The following SLC22A24 variants were observed in gnomAD, a reference collection of about 807,000 sequenced individuals.
SLC22A24 encodes the protein steroid transmembrane transporter SLC22A24.
Under a neutral mutation model 49.8 loss-of-function variants are expected in SLC22A24, and 53 were observed. That is an observed-to-expected ratio of 1.06 (90% confidence interval 0.85 to 1.34). The LOEUF is 1.34. Ranked by LOEUF, SLC22A24 falls within the 40% of genes most tolerant of loss-of-function variation. The pLI, the probability that SLC22A24 is intolerant of heterozygous loss-of-function variation, is 0.00. For synonymous variants in SLC22A24, 302 were observed against 256.4 expected, an observed-to-expected ratio of 1.18 and a Z score of -1.70; for missense variants, 786 against 675.9, an observed-to-expected ratio of 1.16 and a Z score of -1.81.
chr11:63,137,115 A>G (rs1246020062), intron 1 of SLC22A24, among the ~76,000 whole-genome samples: 1 of 151,864 alleles, frequency 6.6e-6, no homozygotes, highest in East Asian at 1.9e-4. Flanking sequence ...CTGTGTCTGT[A>G]GCTCCATTGC....
intron 2 of SLC22A24, among the ~76,000 whole-genome samples, chr11:63,123,999 C>T (rs1261130918): frequency 6.6e-6 from 1 of 151,968 alleles, no homozygotes; most frequent in Non-Finnish European, 1.5e-5. Flanking sequence ...GAAGGCACCA[C>T]CAGATAGGAG....
chr11:63,139,114 C>T (rs2087396582), intron 1 of SLC22A24, among the ~76,000 whole-genome samples: 1 of 152,116 alleles, frequency 6.6e-6, no homozygotes, highest in Non-Finnish European at 1.5e-5. Context: ...ATGTTTTTCT[C>T]TTCTTGGAAC....
chr11:63,117,520 C>T (rs368556115), intron 4 of SLC22A24, among the ~76,000 whole-genome samples: 4 of 152,138 alleles, frequency 2.6e-5, no homozygotes, highest in African/African-American at 9.7e-5. Flanking sequence ...CTTCCCCTTT[C>T]ACCTCATCTA....
intron 4 of SLC22A24, among the ~76,000 whole-genome samples, chr11:63,112,051 C>G (rs964440080): frequency 6.6e-6 from 1 of 151,838 alleles, no homozygotes; most frequent in African/African-American, 2.4e-5. Flanking sequence ...TATGTTGTGT[C>G]TTTGGTCTCG....
intron 6 of SLC22A24, among the ~76,000 whole-genome samples, chr11:63,092,186 A>C (rs1248464388): frequency 6.6e-6 from 1 of 151,982 alleles, no homozygotes; most frequent in African/African-American, 2.4e-5. Flanking sequence ...CTAGGAATAC[A>C]ACTTACAAGG....
rs186845894 is a variant in SLC22A24 at position 63,106,199 on chromosome 11, T to G, written c.831-1901A>C. On this transcript the variant is annotated intron_variant, in intron 4 of 9. Coordinates refer to ENST00000612278, the MANE Select transcript of SLC22A24 (RefSeq NM_001136506.2). ...ATGCGGTGTTTGGTTTTTTTGTCCT[T>G]GCGATAGTTTGCTGAGAACGATGGT... is the stretch of plus-strand genomic sequence containing the variant. Among the ~76,000 whole-genome samples the G allele has an allele frequency of 1.1e-4, 17 of 151,664 alleles. No homozygotes were observed. The East Asian group carries it at 3.1e-3, about 28-fold the overall frequency.
chr11:63,090,146 G>A (rs1027857563), intron 6 of SLC22A24, among the ~76,000 whole-genome samples: 3 of 147,210 alleles, frequency 2.0e-5, no homozygotes, highest in Non-Finnish European at 3.0e-5. Flanking sequence ...GGATCAATGC[G>A]ACAAGAAGAG....
At chr11:63,098,505 T>C (rs1233557690) in intron 5 of SLC22A24, among the ~76,000 whole-genome samples, 1 of 151,878 alleles carries the variant, frequency 6.6e-6, no homozygotes, top group Non-Finnish European at 1.5e-5. Context: ...CTGTCTTTAC[T>C]AAAAATGCAA....
At chr11:63,097,280 A>G (rs766877608) in intron 5 of SLC22A24, among the ~76,000 whole-genome samples, 2 of 152,226 alleles carry the variant, frequency 1.3e-5, no homozygotes, top group African/African-American at 4.8e-5. Flanking sequence ...ATGAACAGAC[A>G]TTTCTCAAAA....
At chr11:63,109,675 C>T (rs2134656931) in intron 4 of SLC22A24, among the ~76,000 whole-genome samples, 1 of 152,060 alleles carries the variant, frequency 6.6e-6, no homozygotes, top group African/African-American at 2.4e-5. Context: ...ATGTCCTTTG[C>T]CCACTTTTTG....
At chr11:63,122,768 C>T (rs549538361) in intron 2 of SLC22A24, among the ~76,000 whole-genome samples, 1 of 152,248 alleles carries the variant, frequency 6.6e-6, no homozygotes, top group East Asian at 1.9e-4. Flanking sequence ...GATCCGCTAG[C>T]CTCGGCCTCC....
chr11:63,103,642 A>C (rs961181516), intron 5 of SLC22A24, among the ~76,000 whole-genome samples: 6 of 152,148 alleles, frequency 3.9e-5, no homozygotes, highest in Non-Finnish European at 7.3e-5. Context: ...TGGCACACAC[A>C]ATATTAGTAC....
intron 6 of SLC22A24, among the ~76,000 whole-genome samples, chr11:63,086,531 C>A (rs566426749): frequency 2.0e-5 from 3 of 152,078 alleles, no homozygotes; most frequent in Non-Finnish European, 2.9e-5. Flanking sequence ...ATAATCTGTA[C>A]AACAAACCTC....
intron 2 of SLC22A24, among the ~76,000 whole-genome samples, chr11:63,130,114 G>T (rs188200686): frequency 6.6e-6 from 1 of 152,192 alleles, no homozygotes; most frequent in Non-Finnish European, 1.5e-5. Flanking sequence ...CTTTGGGTTT[G>T]TCATAACTAA....
chr11:63,104,219 G>T lies in SLC22A24; in HGVS notation c.910C>A (p.His304Asn). Residue 304 changes from histidine to asparagine, a missense_variant, in exon 5 of 10, where the codon CAC becomes AAC. Coordinates refer to ENST00000612278, the MANE Select transcript of SLC22A24 (RefSeq NM_001136506.2). ...TCAGTATTCTTTTTTCCATTTATGT[G>T]TGCAACTCTTCTAAGCTCCTTTAAG... Reference protein sequence around the residue: ...EGLKELRRVAHINGKKNTEET... With the variant: ...EGLKELRRVANINGKKNTEET... 1 of 1,550,472 alleles carries T rather than the reference G, an allele frequency of 6.4e-7. No individual in the cohort carries two copies.
chr11:63,133,334 G>T (rs1406573060), intron 2 of SLC22A24, among the ~76,000 whole-genome samples: 2 of 152,166 alleles, frequency 1.3e-5, no homozygotes, highest in Non-Finnish European at 2.9e-5. Context: ...TGTCCAACCA[G>T]TCCCAATGAG....
intron 4 of SLC22A24, among the ~76,000 whole-genome samples, chr11:63,106,787 TC>T (rs1169265497): frequency 6.6e-6 from 1 of 152,214 alleles, no homozygotes; most frequent in African/African-American, 2.4e-5. Context: ...TTTGCTTTTT[TC>T]TTGTAAATTT....
chr11:63,121,959 G>A (rs1590744874), intron 2 of SLC22A24, among the ~76,000 whole-genome samples: 1 of 152,094 alleles, frequency 6.6e-6, no homozygotes, highest in Non-Finnish European at 1.5e-5. Flanking sequence ...GCCCTTTATG[G>A]TGAAAGATGG....
chr11:63,126,079 A>G (rs1181221249), intron 2 of SLC22A24, among the ~76,000 whole-genome samples: 2 of 151,916 alleles, frequency 1.3e-5, no homozygotes, highest in Admixed American at 1.3e-4. Context: ...AGATGGGTAG[A>G]TTGCAAAAAT....
Sources: gnomAD v4.1 joint callset for allele counts (sites outside exome capture counted in the v4.1 genomes callset) on GRCh38, gnomAD v4.1.1 for gene constraint, MANE v1.5 for transcripts, NCBI Gene and HGNC (gene_info 2026-07-23, HGNC 2026-07-21) for gene names.